DCC: variants seen among roughly 807,000 people sequenced by gnomAD.
DCC encodes the protein netrin receptor DCC.
Under a neutral mutation model 172.5 loss-of-function variants are expected in DCC, and 58 were observed. That is an observed-to-expected ratio of 0.34 (90% CI 0.27 to 0.42). The LOEUF is 0.42. Ranked by LOEUF, DCC falls within the 10% of genes least tolerant of loss-of-function variation. The pLI is 1.00. For missense variants in DCC, 1,740 were observed against 1,791.0 expected, an observed-to-expected ratio of 0.97 and a Z score of 0.51; for synonymous variants, 709 against 644.5, an observed-to-expected ratio of 1.10 and a Z score of -1.52.
At chr18:53,339,417 A>G (rs1402829303) in intron 14 of DCC, among the ~76,000 whole-genome samples, 1 of 152,194 alleles carries the variant, frequency 6.6e-6, no homozygotes, top group African/African-American at 2.4e-5. Flanking sequence ...ATACCTAAGA[A>G]GAGATATGTA....
intron 2 of DCC, among the ~76,000 whole-genome samples, chr18:52,881,887 G>C (rs1163940353): frequency 6.6e-6 from 1 of 152,040 alleles, no homozygotes; most frequent in East Asian, 1.9e-4. Context: ...AGATTGCTTT[G>C]AGTAGTGTGG....
At chr18:53,032,570 G>A (rs1050831871) in intron 5 of DCC, among the ~76,000 whole-genome samples, 2 of 152,136 alleles carry the variant, frequency 1.3e-5, no homozygotes, top group African/African-American at 4.8e-5. Flanking sequence ...CATTGTATCT[G>A]TGGATTCACT....
intron 2 of DCC, among the ~76,000 whole-genome samples, chr18:52,880,518 C>CT: frequency 6.6e-6 from 1 of 152,262 alleles, no homozygotes; most frequent in South Asian, 2.1e-4. Flanking sequence ...CCCCTACTAC[C>CT]TTTCCCAGCC....
intron 3 of DCC, among the ~76,000 whole-genome samples, chr18:52,907,352 T>TATATGAATGATATATACATATATCATGC (rs2039902917): frequency 6.9e-6 from 1 of 145,134 alleles, no homozygotes. Flanking sequence ...ATATATCATG[T>TATATGAATGATATATACATATATCATGC]ATATATGAAT....
At chr18:53,177,216 A>G (rs1460567456) in intron 8 of DCC, among the ~76,000 whole-genome samples, 1 of 151,942 alleles carries the variant, frequency 6.6e-6, no homozygotes, top group Non-Finnish European at 1.5e-5. Context: ...GCACTGGGAG[A>G]TATACCTAAT....
chr18:52,360,712 G>C (rs911431386), intron 1 of DCC, among the ~76,000 whole-genome samples: 1 of 152,218 alleles, frequency 6.6e-6, no homozygotes, highest in South Asian at 2.1e-4. Context: ...TTTATGAAAA[G>C]AGCCATTTCA....
chr18:52,512,601 C>G (rs1307441135), intron 1 of DCC, among the ~76,000 whole-genome samples: 1 of 152,056 alleles, frequency 6.6e-6, no homozygotes. Flanking sequence ...TCTTGAACAC[C>G]TACTATGTGC....
chr18:52,346,327 TTCTC>T (rs1983878136), intron 1 of DCC, among the ~76,000 whole-genome samples: 1 of 152,242 alleles, frequency 6.6e-6, no homozygotes, highest in Admixed American at 6.5e-5. Context: ...CACTTTTTCT[TTCTC>T]TCACTCTAGA....
chr18:52,530,916 GC>G (rs2032130464), intron 1 of DCC, among the ~76,000 whole-genome samples: 1 of 152,126 alleles, frequency 6.6e-6, no homozygotes, highest in African/African-American at 2.4e-5. Context: ...CCTCAAAATA[GC>G]AAGAAAGCCT....
intron 5 of DCC, among the ~76,000 whole-genome samples, chr18:53,056,069 T>C (rs1277586322): frequency 1.3e-5 from 2 of 152,102 alleles, no homozygotes; most frequent in Non-Finnish European, 2.9e-5. Flanking sequence ...GGTGTATTAG[T>C]CCATTCTCAC....
chr18:53,310,025 A>G (rs2057248139), intron 13 of DCC, among the ~76,000 whole-genome samples: 1 of 149,620 alleles, frequency 6.7e-6, no homozygotes, highest in East Asian at 2.0e-4. Context: ...GAGTTAATGA[A>G]CAGCATCATA....
At chr18:53,511,570 T>C (rs2046252743) in intron 27 of DCC, among the ~76,000 whole-genome samples, 2 of 151,914 alleles carry the variant, frequency 1.3e-5, no homozygotes, top group Admixed American at 6.6e-5. Flanking sequence ...CACTAGGGAG[T>C]GCCAGACAGT....
intron 5 of DCC, among the ~76,000 whole-genome samples, chr18:52,994,524 A>AAC (rs2041448766): frequency 2.0e-5 from 3 of 152,180 alleles, no homozygotes; most frequent in African/African-American, 7.2e-5. Flanking sequence ...CTCATACTTC[A>AAC]GTGAGTCAGT....
At chr18:53,208,388 T>G (rs1018346895) in intron 11 of DCC, among the ~76,000 whole-genome samples, 124 of 152,010 alleles carry the variant, frequency 8.2e-4, no homozygotes, top group Non-Finnish European at 3.5e-4. Context: ...GCTAAAACTT[T>G]GTGTATTTTT....
intron 25 of DCC, among the ~76,000 whole-genome samples, chr18:53,483,181 A>C (rs1345311349): frequency 6.6e-6 from 1 of 151,938 alleles, no homozygotes. Context: ...ATTCTTTTTA[A>C]AAGTTTCCTT....
chr18:52,589,203 G>A (rs1010487570), intron 1 of DCC, among the ~76,000 whole-genome samples: 1 of 152,146 alleles, frequency 6.6e-6, no homozygotes, highest in Non-Finnish European at 1.5e-5. Context: ...GGGTCAGTGA[G>A]ACAGCTTGAC....
chr18:53,257,824 G>A (rs1180322467), intron 12 of DCC, among the ~76,000 whole-genome samples: 1 of 152,178 alleles, frequency 6.6e-6, no homozygotes, highest in Non-Finnish European at 1.5e-5. Context: ...GAATTTGGCT[G>A]TGAATCCATC....
At chr18:53,463,135 C>A (rs1442602553) in intron 24 of DCC, among the ~76,000 whole-genome samples, 1 of 152,212 alleles carries the variant, frequency 6.6e-6, no homozygotes, top group Non-Finnish European at 1.5e-5. Context: ...GAGGGGAGAG[C>A]ACCTCCACCT....
rs145676012 is a variant in DCC, at chr18:53,180,214, T to G, written c.1573+1098T>G. Among the ~76,000 whole-genome samples, 14 of 152,314 alleles carry G rather than the reference T, an allele frequency of 9.2e-5. No individual in the cohort carries two copies. In the East Asian group the frequency reaches 2.7e-3, roughly 29 times the overall value. On this transcript the variant is annotated intron_variant, in intron 9 of 28. Transcript: ENST00000442544. ...CACTTTCCACAGAATCTCCATCCTT[T>G]CTTTCATTTGGCCAGGGCTACAGAG... is the stretch of plus-strand genomic sequence containing the variant.
Sources: gnomAD v4.1 joint callset for allele counts (sites outside exome capture counted in the v4.1 genomes callset) on GRCh38, gnomAD v4.1.1 for gene constraint, MANE v1.5 for transcripts, NCBI Gene and HGNC (gene_info 2026-07-23, HGNC 2026-07-21) for gene names.